The following ST6GALNAC3 variants were observed in gnomAD, a reference collection of about 807,000 sequenced individuals.
ST6GALNAC3 encodes the protein alpha-N-acetylgalactosaminide alpha-2,6-sialyltransferase 3.
ST6GALNAC3 carries 25 observed loss-of-function variants against 32.7 expected under a neutral mutation model. The observed-to-expected ratio is 0.76, with a 90% CI of 0.56 to 1.07. The LOEUF is 1.07. Ranked by LOEUF, ST6GALNAC3 falls within the 50% of genes least tolerant of loss-of-function variation. The pLI is 0.00. For synonymous variants in ST6GALNAC3, 129 were observed against 133.1 expected, an observed-to-expected ratio of 0.97 and a Z score of 0.21; for missense variants, 355 against 382.4, an observed-to-expected ratio of 0.93 and a Z score of 0.60.
chr1:76,520,717 C>T (rs956832653), intron 3 of ST6GALNAC3, among the ~76,000 whole-genome samples: 6 of 151,868 alleles, frequency 4.0e-5, no homozygotes, highest in East Asian at 3.9e-4. Flanking sequence ...TCCTGGTGGA[C>T]GGACACCTTA....
chr1:76,386,183 T>C (rs1652077953), intron 2 of ST6GALNAC3, among the ~76,000 whole-genome samples: 1 of 152,060 alleles, frequency 6.6e-6, no homozygotes, highest in African/African-American at 2.4e-5. Flanking sequence ...TCATACTGAC[T>C]TGAACTGGAG....
intron 1 of ST6GALNAC3, among the ~76,000 whole-genome samples, chr1:76,119,317 T>A (rs372499726): frequency 6.6e-6 from 1 of 152,236 alleles, no homozygotes; most frequent in African/African-American, 2.4e-5. Context: ...AACATATTCT[T>A]TGGAATTCCT....
In ST6GALNAC3 at chr1:76,389,011, C is replaced by CTTTTTTTTTTTTTTTTTTTTTTT. The variant is rs138986165; in HGVS notation, c.214-22997_214-22996insTTTTTTTTTTTTTTTTTTTTTTT. Among the ~76,000 whole-genome samples the CTTTTTTTTTTTTTTTTTTTTTTT allele has an allele frequency of 3.7e-5, 4 of 107,910 alleles. 2 individuals are homozygous for CTTTTTTTTTTTTTTTTTTTTTTT. Among genetic ancestry groups the CTTTTTTTTTTTTTTTTTTTTTTT allele is most frequent in the Non-Finnish European group, 7.1e-5 (4 of 56,182 alleles). 70.8% of individuals were successfully genotyped at this position (107,910 alleles called of 152,430 possible). On this transcript the variant is annotated intron_variant, in intron 2 of 4. Transcript: ENST00000328299. ...GGTGTGGTTGTTAGTTGGTATATTTCCTTTTTTTTTTTTTTTTGAGACAGA... is the reference window on the plus strand; with the variant it reads ...GGTGTGGTTGTTAGTTGGTATATTTCTTTTTTTTTTTTTTTTTTTTTTTCTTTTTTTTTTTTTTTTGAGACAGA...
In ST6GALNAC3 at chr1:76,221,026, G is replaced by C. The variant is rs115387712; in HGVS notation, c.19-92779G>C. 4.4e-3 allele frequency among the ~76,000 whole-genome samples: 665 copies of C among 151,696 alleles called. 6 individuals carry two copies. Among genetic ancestry groups the C allele is most frequent in the African/African-American group, 0.015 (642 of 41,496 alleles). On this transcript the variant is annotated intron_variant, in intron 1 of 4. Transcript: ENST00000328299. ...TCACCCCATGGCCAGATTGGCTTTG[G>C]AGCAATCAATGCAGCCTGGTGCAGC...
At position 76,123,749 on chromosome 1, in the gene ST6GALNAC3, AT is replaced by A. The variant is rs767734132; in HGVS notation, c.18+48889del. 8.6e-3 allele frequency among the ~76,000 whole-genome samples: 813 copies of A among 94,266 alleles called. 3 individuals are homozygous for A. Among genetic ancestry groups the A allele is most frequent in the African/African-American group, 0.03 (684 of 23,038 alleles). The allele number at this position is 94,266 out of a possible 152,430, so 61.8% of individuals were successfully genotyped here. ...TCCAGGCCCAGGCCTACTCATTTTA[AT>A]TTTTTTTTTTTTTTTTTTTTTTTGA... On this transcript the variant is annotated intron_variant, in intron 1 of 4. Transcript: ENST00000328299.
intron 1 of ST6GALNAC3, among the ~76,000 whole-genome samples, chr1:76,255,642 C>T (rs985031322): frequency 1.3e-5 from 2 of 152,092 alleles, no homozygotes; most frequent in Non-Finnish European, 2.9e-5. Flanking sequence ...TCCTTAGTGT[C>T]TTATGCCCTA....
chr1:76,119,965 G>A (rs1648760898), intron 1 of ST6GALNAC3, among the ~76,000 whole-genome samples: 1 of 152,224 alleles, frequency 6.6e-6, no homozygotes, highest in African/African-American at 2.4e-5. Context: ...GTGGGCACAG[G>A]CCTGCCTTGT....
chr1:76,612,190 G>A (rs185542952), intron 3 of ST6GALNAC3, among the ~76,000 whole-genome samples: 9 of 152,244 alleles, frequency 5.9e-5, no homozygotes, highest in Admixed American at 3.3e-4. Flanking sequence ...GGGAGGTGAG[G>A]CCGGTTCCCT....
chr1:76,282,456 A>G (rs1254730160), intron 1 of ST6GALNAC3, among the ~76,000 whole-genome samples: 2 of 152,180 alleles, frequency 1.3e-5, no homozygotes, highest in African/African-American at 4.8e-5. Flanking sequence ...CCACAGTATC[A>G]TTATTAATAT....
chr1:76,332,738 T>C (rs1570860527), intron 2 of ST6GALNAC3, among the ~76,000 whole-genome samples: 1 of 152,212 alleles, frequency 6.6e-6, no homozygotes, highest in East Asian at 1.9e-4. Context: ...CATTGCGCCC[T>C]GTACCCACAG....
chr1:76,311,657 C>A (rs1254897215), intron 1 of ST6GALNAC3, among the ~76,000 whole-genome samples: 1 of 152,156 alleles, frequency 6.6e-6, no homozygotes, highest in South Asian at 2.1e-4. Context: ...GTATGTGCCA[C>A]ATTTTCTTTA....
At position 76,634,204 on chromosome 1, in the gene ST6GALNAC3, T is replaced by A. The variant is rs1455182179; in HGVS notation, c.*5398T>A. ...CTTCCTTCCATAAAGGTGAAGAACA[T>A]CTTGATGAATAAACAGTCAACTACC... On this transcript the variant is annotated 3_prime_UTR_variant, in exon 5 of 5. Transcript: ENST00000328299. 1 of 972,490 alleles carries A rather than the reference T, an allele frequency of 1.0e-6. No individual in the cohort carries two copies. The highest frequency in any genetic ancestry group is 1.2e-6 in the Non-Finnish European group (1 of 818,376). The allele number at this position is 972,490 out of a possible 1,614,324, so 60.2% of individuals were successfully genotyped here.
At chr1:76,266,451 C>T (rs1658532523) in intron 1 of ST6GALNAC3, among the ~76,000 whole-genome samples, 1 of 152,144 alleles carries the variant, frequency 6.6e-6, no homozygotes, top group South Asian at 2.1e-4. Context: ...TTATTGGGAC[C>T]AGACCCAGCA....
Position 76,634,131 on chromosome 1 carries a change from C to G in ST6GALNAC3, c.*5325C>G, listed in dbSNP as rs894091200. On this transcript the variant is annotated 3_prime_UTR_variant, in exon 5 of 5. Transcript: ENST00000328299. ...AAAACCTCTTCTTTCTCCACAGATACATCTCTTTTTGTTCACGCCTTGAAG... is the reference window on the plus strand; with the variant it reads ...AAAACCTCTTCTTTCTCCACAGATAGATCTCTTTTTGTTCACGCCTTGAAG... 3 of 984,342 alleles carry G rather than the reference C, an allele frequency of 3.0e-6. No individual in the cohort carries two copies. The East Asian group carries it at 3.4e-4, about 112-fold the overall frequency. 61.0% of individuals were successfully genotyped at this position (984,342 alleles called of 1,614,324 possible).
intron 1 of ST6GALNAC3, among the ~76,000 whole-genome samples, chr1:76,272,590 C>G (rs1410926920): frequency 6.6e-6 from 1 of 152,180 alleles, no homozygotes; most frequent in East Asian, 1.9e-4. Context: ...CTCCTTGGTG[C>G]TGCTCTGAGT....
chr1:76,380,373 T>C (rs1651607191), intron 2 of ST6GALNAC3, among the ~76,000 whole-genome samples: 1 of 152,168 alleles, frequency 6.6e-6, no homozygotes, highest in Non-Finnish European at 1.5e-5. Context: ...GTGAGTGTAA[T>C]TAGTGCAACC....
chr1:76,090,074 T>C (rs1374809048), intron 1 of ST6GALNAC3, among the ~76,000 whole-genome samples: 1 of 152,176 alleles, frequency 6.6e-6, no homozygotes, highest in African/African-American at 2.4e-5. Context: ...GTTTCTCCAT[T>C]GTAAGTGCTA....
intron 1 of ST6GALNAC3, among the ~76,000 whole-genome samples, chr1:76,141,291 C>A (rs536858341): frequency 4.1e-4 from 63 of 152,268 alleles, no homozygotes; most frequent in African/African-American, 1.4e-3. Flanking sequence ...GAGAGGGTTT[C>A]TCTCGTCTGT....
chr1:76,464,888 A>G (rs1040183459), intron 3 of ST6GALNAC3, among the ~76,000 whole-genome samples: 6 of 152,190 alleles, frequency 3.9e-5, no homozygotes, highest in Non-Finnish European at 8.8e-5. Context: ...ACTCAGAAGT[A>G]TTCCTCCCAC....
Sources: gnomAD v4.1 joint callset for allele counts (sites outside exome capture counted in the v4.1 genomes callset) on GRCh38, gnomAD v4.1.1 for gene constraint, MANE v1.5 for transcripts, NCBI Gene and HGNC (gene_info 2026-07-23, HGNC 2026-07-21) for gene names.